Variants in PXDNL observed in about 807,000 individuals in gnomAD.
PXDNL encodes the protein probable oxidoreductase PXDNL.
In PXDNL, 145 loss-of-function variants were observed where a neutral mutation model predicts 150.8. The ratio of observed to expected loss-of-function variants is 0.96; its 90% CI spans 0.84 to 1.10. The LOEUF is 1.10. Among genes scored for constraint, PXDNL ranks in the 50% least tolerant of loss-of-function variants. The probability of loss-of-function intolerance (pLI) is 0.00; values close to 1 mark genes in which losing one functional copy is unlikely to be tolerated. For missense variants in PXDNL, 2,087 were observed against 1,873.9 expected, an observed-to-expected ratio of 1.11 and a Z score of -2.10; for synonymous variants, 757 against 725.7, an observed-to-expected ratio of 1.04 and a Z score of -0.69.
chr8:51,693,050 A>G (rs1816033686), intron 1 of PXDNL, among the ~76,000 whole-genome samples: 1 of 152,272 alleles, frequency 6.6e-6, no homozygotes. Flanking sequence ...AGACTTAAAC[A>G]TAATCTATGT....
intron 21 of PXDNL, 23 bp from the exon 22 acceptor site, chr8:51,320,920 G>A (rs1259180846): frequency 1.3e-6 from 2 of 1,563,870 alleles, no homozygotes; most frequent in East Asian, 2.2e-5. Context: ...GCAAAGGAAA[G>A]AAGAGTGGAA....
intron 12 of PXDNL, among the ~76,000 whole-genome samples, chr8:51,434,944 CAATT>C (rs1485682083): frequency 1.3e-5 from 2 of 152,156 alleles, no homozygotes; most frequent in Admixed American, 6.5e-5. Context: ...CAAGAAATAA[CAATT>C]AATATATCAA....
At position 51,638,792 on chromosome 8, in the gene PXDNL, C is replaced by A. The variant is rs188773840; in HGVS notation, c.236+15897G>T. Among the ~76,000 whole-genome samples, 494 of 152,122 alleles carry A rather than the reference C, an allele frequency of 3.2e-3. 9 individuals are homozygous for A. The highest frequency in any genetic ancestry group is 0.025 in the Admixed American group (376 of 15,260). ...CCACTGTCAACATTAGACAGATCAA[C>A]GAGACAGAAAGTTAAAAAGGATATC... is the stretch of plus-strand genomic sequence containing the variant. On this transcript the variant is annotated intron_variant, in intron 2 of 22. Coordinates refer to ENST00000356297, the MANE Select transcript of PXDNL (RefSeq NM_144651.5).
At chr8:51,358,630 G>T (rs184448003) in intron 19 of PXDNL, among the ~76,000 whole-genome samples, 2 of 152,078 alleles carry the variant, frequency 1.3e-5, no homozygotes, top group African/African-American at 4.8e-5. Flanking sequence ...GAATGGTCTC[G>T]CCTGGCCCCA....
At chr8:51,799,925 C>A (rs935727872) in intron 1 of PXDNL, among the ~76,000 whole-genome samples, 6 of 152,190 alleles carry the variant, frequency 3.9e-5, no homozygotes, top group African/African-American at 1.4e-4. Flanking sequence ...ATCTGCTTGT[C>A]AGAATATTTA....
chr8:51,404,174 G>A (rs183744172), intron 17 of PXDNL, among the ~76,000 whole-genome samples: 62 of 152,376 alleles, frequency 4.1e-4, no homozygotes, highest in Middle Eastern at 3.4e-3. Context: ...AACCCAAAGA[G>A]TAAGCAGCAG....
At chr8:51,514,234 G>C (rs574238084) in intron 4 of PXDNL, among the ~76,000 whole-genome samples, 1 of 152,212 alleles carries the variant, frequency 6.6e-6, no homozygotes, top group African/African-American at 2.4e-5. Context: ...GGATAATAGG[G>C]AAGGGAAAGA....
intron 1 of PXDNL, among the ~76,000 whole-genome samples, chr8:51,794,850 A>C (rs2037546078): frequency 6.6e-6 from 1 of 152,236 alleles, no homozygotes; most frequent in Non-Finnish European, 1.5e-5. Flanking sequence ...GTCCCAATTA[A>C]AAGACACAGA....
At chr8:51,596,656 G>C (rs1008917229) in intron 2 of PXDNL, among the ~76,000 whole-genome samples, 1 of 152,074 alleles carries the variant, frequency 6.6e-6, no homozygotes, top group Non-Finnish European at 1.5e-5. Flanking sequence ...CTGATGATTC[G>C]TGATGATGAG....
In PXDNL at chr8:51,796,560, A is replaced by G. The variant is rs2037563276; in HGVS notation, c.164+12621T>C. ...ACTATAAACACCTCTATGCAAATAA[A>G]CTAGAAAATCTAGAAAAAATGGTTA... On this transcript the variant is annotated intron_variant, in intron 1 of 22. Coordinates refer to ENST00000356297, the MANE Select transcript of PXDNL (RefSeq NM_144651.5). Among the ~76,000 whole-genome samples the G allele has an allele frequency of 2.0e-5, 3 of 152,188 alleles. No homozygotes were observed. The South Asian group carries it at 6.2e-4, about 32-fold the overall frequency.
intron 17 of PXDNL, among the ~76,000 whole-genome samples, chr8:51,382,010 T>G (rs10090381): frequency 0.042 from 6,444 of 152,152 alleles, 194 homozygotes; most frequent in South Asian, 0.08. Context: ...GTTACATATG[T>G]ATACATGTGC....
At chr8:51,387,265 A>G (rs962484983) in intron 17 of PXDNL, among the ~76,000 whole-genome samples, 8 of 152,240 alleles carry the variant, frequency 5.3e-5, no homozygotes, top group African/African-American at 1.4e-4. Flanking sequence ...TCTCCAGCTC[A>G]TAAGTCCCAA....
At chr8:51,474,595 T>C (rs915256838) in intron 7 of PXDNL, among the ~76,000 whole-genome samples, 1 of 152,218 alleles carries the variant, frequency 6.6e-6, no homozygotes, top group African/African-American at 2.4e-5. Context: ...AATTATTTGA[T>C]TTAAAGTTGA....
chr8:51,639,724 C>T (rs1313416072), intron 2 of PXDNL, among the ~76,000 whole-genome samples: 1 of 151,948 alleles, frequency 6.6e-6, no homozygotes, highest in Non-Finnish European at 1.5e-5. Context: ...GCTTACCAAC[C>T]AAAAAGAGTC....
chr8:51,773,053 A>C (rs1382402745), intron 1 of PXDNL, among the ~76,000 whole-genome samples: 1 of 152,232 alleles, frequency 6.6e-6, no homozygotes, highest in Non-Finnish European at 1.5e-5. Flanking sequence ...AAGGGCTAAA[A>C]TAGTTTGGAA....
At chr8:51,736,721 C>A (rs563056240) in intron 1 of PXDNL, among the ~76,000 whole-genome samples, 42 of 152,264 alleles carry the variant, frequency 2.8e-4, no homozygotes, top group African/African-American at 9.1e-4. Context: ...GGTAGACAGA[C>A]CTTTGTGGTA....
chr8:51,718,261 G>A (rs375450761), intron 1 of PXDNL, among the ~76,000 whole-genome samples: 159 of 152,136 alleles, frequency 1.0e-3, no homozygotes, highest in African/African-American at 3.8e-3. Context: ...CTTCCATGTG[G>A]GGGCCAGGGA....
intron 1 of PXDNL, among the ~76,000 whole-genome samples, chr8:51,659,887 A>ATTTATTTATTTT: frequency 6.6e-6 from 1 of 151,034 alleles, no homozygotes; most frequent in Non-Finnish European, 1.5e-5. Context: ...TTATTTATTT[A>ATTTATTTATTTT]TTTATTTATT....
intron 19 of PXDNL, among the ~76,000 whole-genome samples, chr8:51,355,277 A>T (rs970461507): frequency 6.6e-6 from 1 of 152,206 alleles, no homozygotes; most frequent in Non-Finnish European, 1.5e-5. Context: ...TCATTAGTTC[A>T]CAAACATAAG....
Sources: gnomAD v4.1 joint callset for allele counts (sites outside exome capture counted in the v4.1 genomes callset) on GRCh38, gnomAD v4.1.1 for gene constraint, MANE v1.5 for transcripts, NCBI Gene and HGNC (gene_info 2026-07-23, HGNC 2026-07-21) for gene names.